Variants in IARS1 observed in about 807,000 individuals in gnomAD.
The protein encoded by IARS1 is isoleucine--tRNA ligase, cytoplasmic.
A neutral mutation model predicts 168.2 loss-of-function variants in IARS1; 124 were observed. The ratio of observed to expected loss-of-function variants is 0.74; its 90% CI spans 0.64 to 0.86. IARS1 has a LOEUF of 0.86. Ranked by LOEUF, IARS1 falls within the 40% of genes least tolerant of loss-of-function variation. The probability of loss-of-function intolerance (pLI) is 0.00; values close to 1 mark genes in which losing one functional copy is unlikely to be tolerated. For synonymous variants in IARS1, 532 were observed against 529.4 expected, an observed-to-expected ratio of 1.00 and a Z score of -0.07; for missense variants, 1,452 against 1,515.8, an observed-to-expected ratio of 0.96 and a Z score of 0.70.
In IARS1 at chr9:92,242,301, T is replaced by C. The variant is rs1828548976; in HGVS notation, c.3030A>G (p.Thr1010=). ...CTTCAGACTTTGCTTTATAGTACACTGTGATTTCATCAGTTGGAACCAGAT... is the reference window on the plus strand; with the variant it reads ...CTTCAGACTTTGCTTTATAGTACACCGTGATTTCATCAGTTGGAACCAGAT... The part of the protein sequence containing the change: ...KCNLVPTDEI[T]VYYKAKSEGT... Residue 1010 remains threonine (T), a synonymous_variant, in exon 29 of 34, where the codon ACA becomes ACG. Transcript: ENST00000443024. 6.2e-7 allele frequency: 1 copy of C among 1,613,290 alleles called. No homozygotes were observed. The highest frequency in any genetic ancestry group is 8.5e-7 in the Non-Finnish European group (1 of 1,179,766).
intron 33 of IARS1, among the ~76,000 whole-genome samples, chr9:92,214,005 A>G (rs1250175771): frequency 1.3e-5 from 2 of 151,712 alleles, no homozygotes; most frequent in Non-Finnish European, 2.9e-5. Flanking sequence ...GTTTCACCAT[A>G]TTGGCCATGC....
At chr9:92,221,763 G>C (rs966733899) in intron 33 of IARS1, among the ~76,000 whole-genome samples, 11 of 152,154 alleles carry the variant, frequency 7.2e-5, no homozygotes, top group Admixed American at 2.0e-4. Context: ...TGATGATCTA[G>C]CTCTTCACAG....
chr9:92,292,983 T>C (rs528940060), intron 1 of IARS1, among the ~76,000 whole-genome samples: 1 of 152,314 alleles, frequency 6.6e-6, no homozygotes, highest in Non-Finnish European at 1.5e-5. Flanking sequence ...ACACAACCAA[T>C]TAATCATCAA....
intron 22 of IARS1, chr9:92,251,047 T>C: frequency 1.7e-6 from 1 of 600,010 alleles, no homozygotes; most frequent in Non-Finnish European, 3.1e-6. Context: ...CCAAAGCACC[T>C]CTAGAATTCT....
Position 92,268,168 on chromosome 9 carries a change from C to T in IARS1, c.1431+6G>A. 1 of 1,572,648 alleles carries T rather than the reference C, an allele frequency of 6.4e-7. No individual in the cohort carries two copies. Among genetic ancestry groups the T allele is most frequent in the South Asian group, 1.2e-5 (1 of 83,922 alleles). On this transcript the variant is annotated splice_donor_region_variant and intron_variant, in intron 14 of 33. Coordinates refer to ENST00000443024, the MANE Select transcript of IARS1 (RefSeq NM_002161.6). The stretch of plus-strand genomic sequence containing the variant: ...ATCAACACAAGGAAATACTGCCATG[C>T]CTCACCTCCTCAAAGTCATCGCTGA...
intron 27 of IARS1, among the ~76,000 whole-genome samples, chr9:92,244,636 G>A (rs1273315972): frequency 6.6e-6 from 1 of 152,120 alleles, no homozygotes; most frequent in Non-Finnish European, 1.5e-5. Flanking sequence ...TAACTTATCA[G>A]GTAGAATACT....
intron 31 of IARS1, among the ~76,000 whole-genome samples, chr9:92,226,839 G>T (rs1337539359): frequency 1.3e-5 from 2 of 148,308 alleles, no homozygotes; most frequent in Admixed American, 6.7e-5. Flanking sequence ...ATCATTCTTG[G>T]GTGTTTCTCG....
chr9:92,269,632 TG>T (rs548814295), intron 13 of IARS1, among the ~76,000 whole-genome samples: 2 of 152,222 alleles, frequency 1.3e-5, no homozygotes, highest in Non-Finnish European at 2.9e-5. Context: ...ATCGAATAAA[TG>T]GTGGTTTATC....
chr9:92,277,880 A>AGTACTATTT lies in IARS1; in HGVS notation c.876_877insAAATAGTAC (p.Leu292_Phe293insLysTer). The AGTACTATTT allele has an allele frequency of 6.2e-7, 1 of 1,613,954 alleles. No homozygotes were observed. Among genetic ancestry groups the AGTACTATTT allele is most frequent in the Non-Finnish European group, 8.5e-7 (1 of 1,179,928 alleles). ...AAGCTTACCTTCAGGAAATAGTCAA[A>AGTACTATTT]CAGGGGCCTGTACTTCTTGCCTTTA... On this transcript the variant is annotated stop_gained and inframe_insertion, in exon 9 of 34. Coordinates refer to ENST00000443024, the MANE Select transcript of IARS1 (RefSeq NM_002161.6). LOFTEE classifies it high-confidence loss of function.
At chr9:92,222,361 A>AG (rs1264683146) in intron 33 of IARS1, among the ~76,000 whole-genome samples, 159 bp downstream of exon 33, 2 of 149,910 alleles carry the variant, frequency 1.3e-5, no homozygotes, top group African/African-American at 2.5e-5. Context: ...AAAAAAAAAA[A>AG]AAAAGAAAAG....
intron 30 of IARS1, among the ~76,000 whole-genome samples, chr9:92,234,157 T>A (rs1400942320): frequency 6.6e-6 from 1 of 152,208 alleles, no homozygotes; most frequent in African/African-American, 2.4e-5. Context: ...TGAAATAAAA[T>A]TCATTTTTGT....
In IARS1 at chr9:92,210,764, G is replaced by A. The variant is rs775701229; in HGVS notation, c.*43C>T. ...GTGCATGTATGTGTAGGGGATAGGT[G>A]TAATTAGGGAAGGGCTGACCGAACA... On this transcript the variant is annotated 3_prime_UTR_variant, in exon 34 of 34. Coordinates refer to ENST00000443024, the MANE Select transcript of IARS1 (RefSeq NM_002161.6). 5.2e-6 allele frequency: 6 copies of A among 1,148,614 alleles called. No homozygotes were observed. The highest frequency in any genetic ancestry group is 3.4e-5 in the Admixed American group (2 of 59,324). 71.2% of individuals were successfully genotyped at this position (1,148,614 alleles called of 1,614,324 possible). A position where few individuals can be genotyped will look rare whatever the true frequency, so the allele number is the denominator to read the frequency against.
intron 12 of IARS1, among the ~76,000 whole-genome samples, chr9:92,270,670 T>C (rs1183734781): frequency 6.6e-6 from 1 of 152,048 alleles, no homozygotes; most frequent in East Asian, 1.9e-4. Flanking sequence ...TGGCACCACC[T>C]ACATAGTTCC....
chr9:92,288,438 C>T (rs542355824), intron 2 of IARS1, among the ~76,000 whole-genome samples, 156 bp from the exon 3 acceptor site: 43 of 152,266 alleles, frequency 2.8e-4, no homozygotes, highest in African/African-American at 9.9e-4. Flanking sequence ...TACTGGTGGT[C>T]CTGCCTTCAG....
At chr9:92,274,644 G>C (rs1397863186) in intron 9 of IARS1, 123 bp from the exon 10 acceptor site, 9 of 617,936 alleles carry the variant, frequency 1.5e-5, no homozygotes, top group Non-Finnish European at 2.6e-5. Context: ...TTCAGAAATA[G>C]AAAAGAAAGA....
intron 14 of IARS1, among the ~76,000 whole-genome samples, chr9:92,267,528 A>C (rs2133844766): frequency 6.6e-6 from 1 of 152,266 alleles, no homozygotes; most frequent in South Asian, 2.1e-4. Context: ...GTCTAATTTA[A>C]CAAACATTTT....
rs144846345 is a variant in IARS1 at position 92,256,737 on chromosome 9, G to A, written c.2080C>T (p.Arg694Trp). 16 of 1,613,700 alleles carry A rather than the reference G, an allele frequency of 9.9e-6. No individual in the cohort carries two copies. Among genetic ancestry groups the A allele is most frequent in the African/African-American group, 2.7e-5 (2 of 75,010 alleles). ...TVRESPNITD[R>W]WILSFMQSLI... ...GACTGCATGAAGGACAGGATCCACC[G>A]GTCTGTAATGTTGGGGCTTTCTCTA... The change falls in exon 20 of 34, where the codon CGG becomes TGG. Residue 694 changes from arginine to tryptophan, a missense_variant. Arg to Trp is a moderately radical substitution (Grantham distance 101). Coordinates refer to ENST00000443024, the MANE Select transcript of IARS1 (RefSeq NM_002161.6).
At chr9:92,243,362 T>C in intron 27 of IARS1, 51 bp from the exon 28 acceptor site, 1 of 1,227,498 alleles carries the variant, frequency 8.1e-7, no homozygotes. Context: ...GAGAAACACT[T>C]CTTCCCAACT....
chr9:92,290,975 C>T (rs1020217284), intron 1 of IARS1, among the ~76,000 whole-genome samples: 2 of 152,222 alleles, frequency 1.3e-5, no homozygotes, highest in Admixed American at 1.3e-4. Flanking sequence ...TTCCATTTTA[C>T]CCTTTTTATT....
Sources: allele counts gnomAD v4.1 joint callset (sites outside exome capture counted in the v4.1 genomes callset), GRCh38; gene constraint gnomAD v4.1.1; transcripts MANE v1.5; gene names NCBI Gene and HGNC (gene_info 2026-07-23, HGNC 2026-07-21).